CDYL: variants seen among roughly 807,000 people sequenced by gnomAD.
CDYL encodes the protein chromodomain Y-like protein.
In CDYL, 8 loss-of-function variants were observed where a neutral mutation model predicts 47.3. The ratio of observed to expected loss-of-function variants is 0.17; its 90% CI spans 0.10 to 0.31. The LOEUF is 0.31. Among genes scored for constraint, CDYL ranks in the 10% least tolerant of loss-of-function variants. The pLI is 1.00. For synonymous variants in CDYL, 266 were observed against 265.0 expected (o/e 1.00, Z -0.04); for missense variants, 471 against 701.4 (o/e 0.67, Z 3.71).
intron 3 of CDYL, among the ~76,000 whole-genome samples, chr6:4,745,479 G>C (rs1757876697): frequency 6.6e-6 from 1 of 152,028 alleles, no homozygotes; most frequent in African/African-American, 2.4e-5. Flanking sequence ...GCTCACGCCT[G>C]TAATCTCAGC....
chr6:4,883,913 C>T (rs948546246), intron 1 of CDYL, among the ~76,000 whole-genome samples: 3 of 152,138 alleles, frequency 2.0e-5, no homozygotes, highest in African/African-American at 7.2e-5. Flanking sequence ...CTGTAGTCCT[C>T]ATAGAACAGT....
rs1365458454 is a variant in CDYL, at chr6:4,751,247, T to TG, written c.186+16404dup. ...TAAGAATAGGGTAGGTTTATATACT[T>TG]GCTATACAAACTGTGGTCCCTGGAG... On this transcript the variant is annotated intron_variant, in intron 3 of 8. Coordinates refer to the CDYL transcript ENST00000328908. Among the ~76,000 whole-genome samples the TG allele has an allele frequency of 3.3e-5, 5 of 152,186 alleles. No homozygotes were observed. The East Asian group carries it at 9.6e-4, about 29-fold the overall frequency.
At chr6:4,716,052 T>TCC (rs1013127546) in intron 2 of CDYL, among the ~76,000 whole-genome samples, 17 of 151,948 alleles carry the variant, frequency 1.1e-4, no homozygotes, top group Admixed American at 8.5e-4. Flanking sequence ...ATCGAGACCA[T>TCC]CCTGGTTAAC....
chr6:4,953,890 C>T lies in CDYL; in HGVS notation c.1477-8C>T, dbSNP rs761987083. On this transcript the variant is annotated splice_polypyrimidine_tract_variant and splice_region_variant and intron_variant, in intron 6 of 6. Transcript: ENST00000397588. ...CCCTGCTAACTGGCTGCTTGTTTTCCGGTGCAGGTGCTTGAGGAATCCAAA... is the reference window on the plus strand; with the variant it reads ...CCCTGCTAACTGGCTGCTTGTTTTCTGGTGCAGGTGCTTGAGGAATCCAAA... 2.0e-5 allele frequency: 32 copies of T among 1,608,048 alleles called. No homozygotes were observed. The highest frequency in any genetic ancestry group is 1.4e-4 in the South Asian group (13 of 90,130).
chr6:4,900,751 C>A (rs560239089), intron 2 of CDYL, among the ~76,000 whole-genome samples: 2 of 111,718 alleles, frequency 1.8e-5, no homozygotes, highest in East Asian at 5.8e-4. Flanking sequence ...TGTTTGCATT[C>A]ATTCTTCTGT....
chr6:4,932,410 AC>A (rs1276257283), intron 2 of CDYL, among the ~76,000 whole-genome samples: 1 of 151,278 alleles, frequency 6.6e-6, no homozygotes, highest in Non-Finnish European at 1.5e-5. Context: ...TGAGGGCCCC[AC>A]CCCCATGACC....
At chr6:4,857,481 C>A (rs565771729) in intron 1 of CDYL, among the ~76,000 whole-genome samples, 10 of 152,222 alleles carry the variant, frequency 6.6e-5, no homozygotes, top group African/African-American at 1.4e-4. Flanking sequence ...GAGACTCTTA[C>A]TAGACTCTGC....
chr6:4,855,390 A>C (rs1760976213), intron 1 of CDYL, among the ~76,000 whole-genome samples: 1 of 152,150 alleles, frequency 6.6e-6, no homozygotes, highest in African/African-American at 2.4e-5. Flanking sequence ...TCCTGGGCTC[A>C]AGGGACCCTC....
chr6:4,852,781 A>G (rs1760890225), intron 1 of CDYL, among the ~76,000 whole-genome samples: 1 of 150,232 alleles, frequency 6.7e-6, no homozygotes. Context: ...GCCAGTGGGA[A>G]CCCTTTCTCA....
At chr6:4,803,875 G>T (rs1324638415) in intron 1 of CDYL, among the ~76,000 whole-genome samples, 1 of 151,692 alleles carries the variant, frequency 6.6e-6, no homozygotes, top group Non-Finnish European at 1.5e-5. Flanking sequence ...TTTTGTACTA[G>T]GAGGAATTTT....
At chr6:4,785,938 T>G (rs528264425) in intron 1 of CDYL, among the ~76,000 whole-genome samples, 5 of 152,228 alleles carry the variant, frequency 3.3e-5, no homozygotes, top group Non-Finnish European at 5.9e-5. Flanking sequence ...GGGCCAGTCC[T>G]GCGCCCCTTA....
intron 1 of CDYL, among the ~76,000 whole-genome samples, chr6:4,827,634 A>G (rs1262511792): frequency 6.6e-6 from 1 of 152,148 alleles, no homozygotes; most frequent in East Asian, 1.9e-4. Flanking sequence ...ACATGGATTG[A>G]TAATTATTTT....
chr6:4,951,619 C>T (rs749950481), intron 5 of CDYL, among the ~76,000 whole-genome samples: 2 of 151,846 alleles, frequency 1.3e-5, no homozygotes, highest in Non-Finnish European at 1.5e-5. Flanking sequence ...CATTTTTCGC[C>T]ACATTCAAGC....
chr6:4,907,557 A>G (rs948434125), intron 2 of CDYL, among the ~76,000 whole-genome samples: 2 of 151,960 alleles, frequency 1.3e-5, no homozygotes, highest in East Asian at 1.9e-4. Context: ...GGGTTTCACC[A>G]TCTCTACAAA....
At chr6:4,727,638 A>G (rs907682742) in intron 2 of CDYL, among the ~76,000 whole-genome samples, 2 of 125,562 alleles carry the variant, frequency 1.6e-5, no homozygotes, top group Non-Finnish European at 3.1e-5. Context: ...AACTACCTCT[A>G]TTTGATGCTG....
At chr6:4,780,353 C>T (rs1410768851) in intron 1 of CDYL, among the ~76,000 whole-genome samples, 1 of 149,464 alleles carries the variant, frequency 6.7e-6, no homozygotes, top group African/African-American at 2.5e-5. Context: ...CATGCCTCAG[C>T]CTCCTGAGTG....
chr6:4,931,686 C>G (rs1581273955), intron 2 of CDYL, among the ~76,000 whole-genome samples: 2 of 152,240 alleles, frequency 1.3e-5, no homozygotes, highest in East Asian at 3.9e-4. Flanking sequence ...GTCACATGCC[C>G]TACTCAGATG....
intron 3 of CDYL, among the ~76,000 whole-genome samples, chr6:4,741,145 A>T (rs1181534342): frequency 6.6e-6 from 1 of 152,220 alleles, no homozygotes; most frequent in Non-Finnish European, 1.5e-5. Flanking sequence ...ATGAAAATTA[A>T]TCAGGCTTGC....
chr6:4,801,569 G>C (rs976295922), intron 1 of CDYL, among the ~76,000 whole-genome samples: 1 of 152,152 alleles, frequency 6.6e-6, no homozygotes, highest in Non-Finnish European at 1.5e-5. Flanking sequence ...ATATGCAGCC[G>C]CTTGTAGCTC....
Sources: gnomAD v4.1 joint callset for allele counts (sites outside exome capture counted in the v4.1 genomes callset) on GRCh38, gnomAD v4.1.1 for gene constraint, MANE v1.5 for transcripts, NCBI Gene and HGNC (gene_info 2026-07-23, HGNC 2026-07-21) for gene names.